LMO3: variants seen among roughly 807,000 people sequenced by gnomAD.
LMO3 encodes LIM domain only protein 3.
In LMO3, 2 loss-of-function variants were observed where a neutral mutation model predicts 15.8. The ratio of observed to expected loss-of-function variants is 0.13; its 90% CI spans 0.05 to 0.40. The LOEUF (loss-of-function observed/expected upper bound fraction) is 0.40, where lower values mean the gene tolerates loss of function less well. Ranked by LOEUF, LMO3 falls within the 10% of genes least tolerant of loss-of-function variation. The pLI, the probability that LMO3 is intolerant of heterozygous loss-of-function variation, is 0.99. For missense variants in LMO3, 86 were observed against 182.2 expected (o/e 0.47, Z 3.04); for synonymous variants, 62 against 63.8 (o/e 0.97, Z 0.13).
intron 2 of LMO3, among the ~76,000 whole-genome samples, chr12:16,561,644 C>G (rs565696961): frequency 6.6e-6 from 1 of 152,184 alleles, no homozygotes; most frequent in Non-Finnish European, 1.5e-5. Flanking sequence ...GCTGAAGTCT[C>G]TCATTACTTT....
intron 2 of LMO3, among the ~76,000 whole-genome samples, chr12:16,575,935 G>T (rs80145632): frequency 6.6e-6 from 1 of 152,102 alleles, no homozygotes; most frequent in African/African-American, 2.4e-5. Flanking sequence ...AGAAATGAAT[G>T]TCGGAACATT....
In LMO3 at chr12:16,604,828, G is replaced by A. The variant is rs772029071; in HGVS notation, c.-9+1238C>T. 1.9e-6 allele frequency: 3 copies of A among 1,596,488 alleles called. No individual in the cohort carries two copies. The highest frequency in any genetic ancestry group is 1.3e-5 in the African/African-American group (1 of 74,868). On this transcript the variant is annotated intron_variant, in intron 1 of 3. Transcript: ENST00000537304. This position sits in a 1 kb window ranked among gnomAD's most constrained non-coding sequence, Gnocchi z 5.3. ...TTTTGAGCGGCCAGGAGTGCAGAGC[G>A]CCAGCAAAGTGCATCTATGATAGAC...
Position 16,603,692 on chromosome 12 carries a change from T to A in LMO3, c.-9+2374A>T, listed in dbSNP as rs1363178749. Among the ~76,000 whole-genome samples, 1 of 152,210 alleles carries A rather than the reference T, an allele frequency of 6.6e-6. No homozygotes were observed. The highest frequency in any genetic ancestry group is 1.5e-5 in the Non-Finnish European group (1 of 68,036). On this transcript the variant is annotated intron_variant, in intron 1 of 3. Coordinates refer to ENST00000537304, the MANE Select transcript of LMO3 (RefSeq NM_018640.5). The surrounding 1 kb of genome is among the most constrained non-coding windows in gnomAD (Gnocchi z 4.9). Reference sequence around the variant, plus strand: ...CCATTTCATTTAAACTCTGGTGAGCTTTTAATTGCCTGGATTGCATTGTGA... The same window carrying A: ...CCATTTCATTTAAACTCTGGTGAGCATTTAATTGCCTGGATTGCATTGTGA...
At chr12:16,594,261 G>A (rs1415318710) in intron 2 of LMO3, 12 of 1,525,450 alleles carry the variant, frequency 7.9e-6, no homozygotes, top group Admixed American at 2.0e-5. Flanking sequence ...CTCTTCAAAT[G>A]CTTAACAAGA....
intron 2 of LMO3, among the ~76,000 whole-genome samples, chr12:16,590,642 G>A (rs1943464240): frequency 6.6e-6 from 1 of 151,860 alleles, no homozygotes; most frequent in African/African-American, 2.4e-5. Context: ...AGGACAGTTT[G>A]ATGACATCTT....
intron 2 of LMO3, among the ~76,000 whole-genome samples, chr12:16,561,760 G>C (rs1195649374): frequency 6.6e-6 from 1 of 152,150 alleles, no homozygotes; most frequent in African/African-American, 2.4e-5. Context: ...AAACAGTTGT[G>C]AGAATGGTTT....
At chr12:16,601,235 A>G (rs1943812523) in intron 1 of LMO3, among the ~76,000 whole-genome samples, 1 of 152,352 alleles carries the variant, frequency 6.6e-6, no homozygotes, top group East Asian at 1.9e-4. Context: ...AAAGAAAGCT[A>G]TTTAACAAAT....
At chr12:16,572,585 A>G (rs925356206) in intron 2 of LMO3, among the ~76,000 whole-genome samples, 5 of 149,810 alleles carry the variant, frequency 3.3e-5, no homozygotes, top group Non-Finnish European at 5.9e-5. Context: ...CTTCATAAAT[A>G]GAGTATGTGT....
chr12:16,607,111 C>G (rs570695425), upstream of LMO3: 1 of 152,448 alleles, frequency 6.6e-6, no homozygotes, highest in Admixed American at 6.5e-5. Context: ...GAAGTCGCTG[C>G]TCCGCAAGTC....
Position 16,596,029 on chromosome 12 carries a change from A to G in LMO3, c.206+4626T>C, listed in dbSNP as rs2137666597. On this transcript the variant is annotated intron_variant, in intron 2 of 3. Coordinates refer to ENST00000537304, the MANE Select transcript of LMO3 (RefSeq NM_018640.5). This position sits in a 1 kb window ranked among gnomAD's most constrained non-coding sequence, Gnocchi z 4.3. ...CCAGATAAAATAATATTAACAACAT[A>G]TTCCTATTTACCTTTACACTTATAA... Among the ~76,000 whole-genome samples, 1 of 151,644 alleles carries G rather than the reference A, an allele frequency of 6.6e-6. No individual in the cohort carries two copies. Among genetic ancestry groups the G allele is most frequent in the African/African-American group, 2.4e-5 (1 of 41,528 alleles).
chr12:16,597,061 T>C lies in LMO3; in HGVS notation c.206+3594A>G, dbSNP rs1943681678. ...TAAAAAGTCAGTCCTTCTCTTTCTT[T>C]AGCTAATGAGTTTCCAAAGGAGGAA... On this transcript the variant is annotated intron_variant, in intron 2 of 3. Coordinates refer to ENST00000537304, the MANE Select transcript of LMO3 (RefSeq NM_018640.5). This position sits in a 1 kb window ranked among gnomAD's most constrained non-coding sequence, Gnocchi z 5.0. Among the ~76,000 whole-genome samples the C allele has an allele frequency of 6.6e-6, 1 of 151,742 alleles. No homozygotes were observed. The highest frequency in any genetic ancestry group is 2.1e-4 in the South Asian group (1 of 4,834).
In LMO3 at chr12:16,604,613, C is replaced by T. The variant is rs540908785; in HGVS notation, c.-9+1453G>A. 1.2e-4 allele frequency: 67 copies of T among 540,102 alleles called. No homozygotes were observed. The highest frequency in any genetic ancestry group is 4.5e-4 in the East Asian group (15 of 33,172). 33.5% of individuals were successfully genotyped at this position (540,102 alleles called of 1,614,324 possible). A position where few individuals can be genotyped will look rare whatever the true frequency, so the allele number is the denominator to read the frequency against. On this transcript the variant is annotated intron_variant, in intron 1 of 3. Coordinates refer to ENST00000537304, the MANE Select transcript of LMO3 (RefSeq NM_018640.5). This position sits in a 1 kb window ranked among gnomAD's most constrained non-coding sequence, Gnocchi z 5.3. Reference sequence around the variant, plus strand: ...ATACACTCTAACAAAGAATCCCTTGCGGAGTTTATGCTCCAGCCTTTTGTG... The same window carrying T: ...ATACACTCTAACAAAGAATCCCTTGTGGAGTTTATGCTCCAGCCTTTTGTG...
Position 16,585,602 on chromosome 12 carries a change from T to C in LMO3, c.206+15053A>G, listed in dbSNP as rs769098966. Among the ~76,000 whole-genome samples the C allele has an allele frequency of 8.5e-5, 13 of 152,208 alleles. No homozygotes were observed. The highest frequency in any genetic ancestry group is 1.8e-4 in the Non-Finnish European group (12 of 68,046). ...TGAGCATCTCTCATGCATCAGGCCC[T>C]ATGTTCCCACCTGTATTTTCTTTCC... is the stretch of plus-strand genomic sequence containing the variant. On this transcript the variant is annotated intron_variant, in intron 2 of 3. Coordinates refer to ENST00000537304, the MANE Select transcript of LMO3 (RefSeq NM_018640.5). This position sits in a 1 kb window ranked among gnomAD's most constrained non-coding sequence, Gnocchi z 4.7.
rs1044314571 is a variant in LMO3, at chr12:16,603,619, A to G, written c.-9+2447T>C. ...TTAAGGGAAATCATAATTAAAAAAA[A>G]GACATAAATAATAGCCTGTGCAGTG... On this transcript the variant is annotated intron_variant, in intron 1 of 3. Coordinates refer to ENST00000537304, the MANE Select transcript of LMO3 (RefSeq NM_018640.5). This position sits in a 1 kb window ranked among gnomAD's most constrained non-coding sequence, Gnocchi z 4.9. Among the ~76,000 whole-genome samples the G allele has an allele frequency of 1.3e-5, 2 of 152,218 alleles. No individual in the cohort carries two copies. The highest frequency in any genetic ancestry group is 2.4e-5 in the African/African-American group (1 of 41,460).
chr12:16,578,938 A>T (rs1943077125), intron 2 of LMO3, among the ~76,000 whole-genome samples: 1 of 152,158 alleles, frequency 6.6e-6, no homozygotes, highest in South Asian at 2.1e-4. Flanking sequence ...ACTTGAAATA[A>T]AAAGAAAAGA....
intron 2 of LMO3, among the ~76,000 whole-genome samples, chr12:16,563,387 G>C (rs1942473301): frequency 6.6e-6 from 1 of 152,144 alleles, no homozygotes; most frequent in African/African-American, 2.4e-5. Flanking sequence ...ATTTTCAAAT[G>C]TATAATGTTA....
chr12:16,551,444 T>G, intron 3 of LMO3, 117 bp from the exon 4 acceptor site: 1 of 647,832 alleles, frequency 1.5e-6, no homozygotes, highest in Non-Finnish European at 2.7e-6. Flanking sequence ...TCTGAAAACC[T>G]GGCTTAGACA....
In LMO3 at chr12:16,566,038, A is replaced by ATATATATATG. The variant is rs1555116337; in HGVS notation, c.207-5501_207-5500insCATATATATA. The stretch of plus-strand genomic sequence containing the variant: ...TATATATATATATATATATATATAT[A>ATATATATATG]TAAAATGGAGTACTATTCAGCCATA... On this transcript the variant is annotated intron_variant, in intron 2 of 3. Coordinates refer to ENST00000537304, the MANE Select transcript of LMO3 (RefSeq NM_018640.5). Among the ~76,000 whole-genome samples, 5 of 90,522 alleles carry ATATATATATG rather than the reference A, an allele frequency of 5.5e-5. 1 individual carries two copies. The highest frequency in any genetic ancestry group is 7.7e-5 in the African/African-American group (2 of 25,914). The allele number at this position is 90,522 out of a possible 152,430, so 59.4% of individuals were successfully genotyped here.
Position 16,604,746 on chromosome 12 carries a change from A to G in LMO3, c.-9+1320T>C, listed in dbSNP as rs1943932308. On this transcript the variant is annotated intron_variant, in intron 1 of 3. Coordinates refer to ENST00000537304, the MANE Select transcript of LMO3 (RefSeq NM_018640.5). This position sits in a 1 kb window ranked among gnomAD's most constrained non-coding sequence, Gnocchi z 5.3. ...GCAGCAGTCTTTCAAAGCAGTTACAACAATAATATTTCGGTTCTTTCAGAA... is the reference window on the plus strand; with the variant it reads ...GCAGCAGTCTTTCAAAGCAGTTACAGCAATAATATTTCGGTTCTTTCAGAA... The G allele has an allele frequency of 1.2e-5, 13 of 1,110,558 alleles. No homozygotes were observed. The South Asian group carries it at 1.6e-4, about 13-fold the overall frequency. 68.8% of individuals were successfully genotyped at this position (1,110,558 alleles called of 1,614,324 possible).
Sources: gnomAD v4.1 joint callset for allele counts (sites outside exome capture counted in the v4.1 genomes callset) on GRCh38, gnomAD v4.1.1 for gene constraint, Gnocchi (gnomAD v3.1) non-coding constraint, MANE v1.5 for transcripts, NCBI Gene and HGNC (gene_info 2026-07-23, HGNC 2026-07-21) for gene names.